CEP57L1: variants seen among roughly 807,000 people sequenced by gnomAD.
CEP57L1 encodes centrosomal protein CEP57L1.
In CEP57L1, 37 loss-of-function variants were observed where a neutral mutation model predicts 61.0. The ratio of observed to expected loss-of-function variants is 0.61; its 90% CI spans 0.47 to 0.80. CEP57L1 has a LOEUF of 0.80. CEP57L1 is among the 30% of genes least tolerant of loss of function. The pLI is 0.00. For missense variants in CEP57L1, 422 were observed against 524.7 expected, an observed-to-expected ratio of 0.80 and a Z score of 1.91; for synonymous variants, 137 against 162.3, an observed-to-expected ratio of 0.84 and a Z score of 1.19.
At chr6:109,133,112 T>G (rs1443027435) in intron 1 of CEP57L1, among the ~76,000 whole-genome samples, 2 of 152,238 alleles carry the variant, frequency 1.3e-5, no homozygotes, top group African/African-American at 4.8e-5. Flanking sequence ...GTATCAACTT[T>G]TACTATGTAT....
intron 7 of CEP57L1, chr6:109,157,668 G>C (rs1467729217): frequency 2.6e-5 from 4 of 152,188 alleles, no homozygotes; most frequent in Non-Finnish European, 5.9e-5. Flanking sequence ...CATAATGAAA[G>C]TTAAAATGGA....
intron 3 of CEP57L1, among the ~76,000 whole-genome samples, chr6:109,149,296 A>T (rs945891538): frequency 2.0e-5 from 3 of 152,182 alleles, no homozygotes; most frequent in African/African-American, 7.2e-5. Context: ...TAATTTTTGT[A>T]TAAGGTGTAA....
At chr6:109,113,230 C>A (rs1303366588) in intron 1 of CEP57L1, among the ~76,000 whole-genome samples, 1 of 151,912 alleles carries the variant, frequency 6.6e-6, no homozygotes, top group African/African-American at 2.4e-5. Flanking sequence ...ATCTTTATTT[C>A]TTTAAGCCAA....
intron 1 of CEP57L1, among the ~76,000 whole-genome samples, chr6:109,128,241 A>G (rs1250981215): frequency 6.6e-6 from 1 of 152,160 alleles, no homozygotes; most frequent in Non-Finnish European, 1.5e-5. Context: ...TATTTCCCTA[A>G]GACTTGTAGC....
At chr6:109,146,465 T>C (rs1771971417) in intron 2 of CEP57L1, among the ~76,000 whole-genome samples, 1 of 152,020 alleles carries the variant, frequency 6.6e-6, no homozygotes, top group African/African-American at 2.4e-5. Context: ...TGTCTTTAAG[T>C]CCTTTCATTT....
At chr6:109,143,268 T>C (rs1771616204) in intron 1 of CEP57L1, among the ~76,000 whole-genome samples, 1 of 152,166 alleles carries the variant, frequency 6.6e-6, no homozygotes, top group Non-Finnish European at 1.5e-5. Context: ...CTCCTTTCCT[T>C]AGTCATTTAA....
intron 1 of CEP57L1, among the ~76,000 whole-genome samples, chr6:109,137,020 A>G (rs1280365384): frequency 2.0e-5 from 3 of 151,992 alleles, no homozygotes; most frequent in Non-Finnish European, 1.5e-5. Flanking sequence ...CCCAAAGTGC[A>G]GGGATTATAG....
intron 1 of CEP57L1, among the ~76,000 whole-genome samples, chr6:109,114,401 G>A (rs1465041077): frequency 1.3e-5 from 2 of 151,866 alleles, no homozygotes; most frequent in Non-Finnish European, 2.9e-5. Context: ...ATTTTTAATA[G>A]GGTTGTTTTC....
At chr6:109,146,584 T>C (rs1222824359) in intron 2 of CEP57L1, among the ~76,000 whole-genome samples, 174 bp from the exon 3 acceptor site, 1 of 152,000 alleles carries the variant, frequency 6.6e-6, no homozygotes, top group Admixed American at 6.6e-5. Context: ...AGAGAGAAAA[T>C]GTGCGCCTCT....
chr6:109,162,201 A>G (rs750130086), intron 10 of CEP57L1, among the ~76,000 whole-genome samples: 2 of 152,100 alleles, frequency 1.3e-5, no homozygotes, highest in Non-Finnish European at 2.9e-5. Flanking sequence ...AAAAACACAT[A>G]TTTATACACA....
At chr6:109,125,520 A>G (rs1387112550) in intron 1 of CEP57L1, among the ~76,000 whole-genome samples, 1 of 142,114 alleles carries the variant, frequency 7.0e-6, no homozygotes, top group Admixed American at 7.0e-5. Context: ...ATATATATAT[A>G]TATATTTTTT....
At chr6:109,139,041 G>A (rs1771052195) in intron 1 of CEP57L1, among the ~76,000 whole-genome samples, 1 of 152,166 alleles carries the variant, frequency 6.6e-6, no homozygotes, top group Non-Finnish European at 1.5e-5. Flanking sequence ...TAAATTGCCA[G>A]CATGACTACT....
chr6:109,154,010 A>T, intron 5 of CEP57L1, 61 bp downstream of exon 5: 2 of 865,784 alleles, frequency 2.3e-6, no homozygotes. Flanking sequence ...CATAATTGGT[A>T]TTTTATGTGA....
intron 1 of CEP57L1, among the ~76,000 whole-genome samples, chr6:109,120,963 C>G (rs1277740425): frequency 6.7e-6 from 1 of 150,358 alleles, no homozygotes; most frequent in East Asian, 2.0e-4. Flanking sequence ...CACACAGTCA[C>G]TCACTCATAG....
In CEP57L1 at chr6:109,173,251, A is replaced by G. The variant is rs573971050; in HGVS notation, c.*10281A>G. On this transcript the variant is annotated 3_prime_UTR_variant, in exon 11 of 11. Coordinates refer to ENST00000517392, the MANE Select transcript of CEP57L1 (RefSeq NM_001271852.3). ...TGACACTGTATTACTTACAAGTTAT[A>G]TTAATAATTTTTATTAATTTTTTTC... is the stretch of plus-strand genomic sequence containing the variant. Among the ~76,000 whole-genome samples the G allele has an allele frequency of 3.0e-4, 45 of 152,226 alleles. No homozygotes were observed. Among genetic ancestry groups the G allele is most frequent in the African/African-American group, 1.1e-3 (45 of 41,544 alleles).
intron 3 of CEP57L1, among the ~76,000 whole-genome samples, chr6:109,149,002 GTAGATTCTGGA>G (rs1222592416): frequency 6.6e-6 from 1 of 152,162 alleles, no homozygotes; most frequent in African/African-American, 2.4e-5. Flanking sequence ...TGAGTTCATT[GTAGATTCTGGA>G]TATTAGCCCT....
chr6:109,162,939 TGAGAA>T lies in CEP57L1; in HGVS notation c.1357_1361del (p.Arg453Ter). ...CGAGTTCATAATCTTCAAATGAAAT[TGAGAA>T]GAGATGATATCATGTGGGAACAGTA... On this transcript the variant is annotated frameshift_variant, in exon 11 of 11. Transcript: ENST00000517392. LOFTEE classifies it high-confidence loss of function. The T allele has an allele frequency of 6.2e-7, 1 of 1,612,224 alleles. No individual in the cohort carries two copies. Among genetic ancestry groups the T allele is most frequent in the South Asian group, 1.1e-5 (1 of 91,020 alleles).
At chr6:109,157,540 C>T (rs945442437) in intron 7 of CEP57L1, 1 of 152,060 alleles carries the variant, frequency 6.6e-6, no homozygotes, top group African/African-American at 2.4e-5. Flanking sequence ...TAAAGGAAGC[C>T]TTGAAGAATT....
intron 1 of CEP57L1, among the ~76,000 whole-genome samples, chr6:109,096,958 G>A (rs1406544768): frequency 6.6e-6 from 1 of 152,128 alleles, no homozygotes; most frequent in Non-Finnish European, 1.5e-5. Context: ...TCACCTCTCA[G>A]CTTTCACAAT....
Sources: gnomAD v4.1 joint callset for allele counts (sites outside exome capture counted in the v4.1 genomes callset) on GRCh38, gnomAD v4.1.1 for gene constraint, MANE v1.5 for transcripts, NCBI Gene and HGNC (gene_info 2026-07-23, HGNC 2026-07-21) for gene names.